The following ZRANB3 variants were observed in gnomAD, a reference collection of about 807,000 sequenced individuals.
ZRANB3 encodes DNA annealing helicase and endonuclease ZRANB3.
A neutral mutation model predicts 133.8 loss-of-function variants in ZRANB3; 125 were observed. The observed-to-expected ratio is 0.93, with a 90% CI of 0.81 to 1.08. ZRANB3 has a LOEUF of 1.08. Among genes scored for constraint, ZRANB3 ranks in the 50% least tolerant of loss-of-function variants. The probability of loss-of-function intolerance (pLI) is 0.00; values close to 1 mark genes in which losing one functional copy is unlikely to be tolerated. For missense variants in ZRANB3, 1,229 were observed against 1,275.5 expected (o/e 0.96, Z 0.56); for synonymous variants, 387 against 432.7 (o/e 0.89, Z 1.31).
chr2:135,391,017 C>T (rs562208737), intron 2 of ZRANB3, among the ~76,000 whole-genome samples, 197 bp from the exon 3 acceptor site: 13 of 152,078 alleles, frequency 8.5e-5, no homozygotes, highest in Admixed American at 3.3e-4. Flanking sequence ...CGTGTCACCA[C>T]GCCCATCTAA....
At chr2:135,439,005 A>C (rs1689668946) in intron 2 of ZRANB3, among the ~76,000 whole-genome samples, 1 of 152,226 alleles carries the variant, frequency 6.6e-6, no homozygotes, top group South Asian at 2.1e-4. Context: ...ATTACTATAA[A>C]ATTTAAAGTA....
intron 12 of ZRANB3, among the ~76,000 whole-genome samples, chr2:135,238,072 A>G (rs973123836): frequency 6.6e-6 from 1 of 152,210 alleles, no homozygotes; most frequent in African/African-American, 2.4e-5. Context: ...CATGTTTTTC[A>G]TCTTTTCAAT....
At chr2:135,339,403 G>GAA (rs142111677) in intron 6 of ZRANB3, among the ~76,000 whole-genome samples, 1 of 144,590 alleles carries the variant, frequency 6.9e-6, no homozygotes, top group Non-Finnish European at 1.5e-5. Flanking sequence ...GACTCCATCT[G>GAA]AAAAAAAAAA....
At chr2:135,247,589 G>C (rs1695855639) in intron 12 of ZRANB3, among the ~76,000 whole-genome samples, 1 of 152,128 alleles carries the variant, frequency 6.6e-6, no homozygotes, top group Admixed American at 6.5e-5. Context: ...GCCAGGTGCA[G>C]TGTCGCATGA....
At chr2:135,428,535 A>C (rs1390660967) in intron 2 of ZRANB3, among the ~76,000 whole-genome samples, 1 of 152,174 alleles carries the variant, frequency 6.6e-6, no homozygotes, top group Non-Finnish European at 1.5e-5. Context: ...TCTGTACAGC[A>C]AAAGAAATAA....
At chr2:135,215,133 G>A (rs557959599) in intron 17 of ZRANB3, among the ~76,000 whole-genome samples, 10 of 152,132 alleles carry the variant, frequency 6.6e-5, no homozygotes, top group Non-Finnish European at 1.3e-4. Flanking sequence ...GACCAGTCTC[G>A]TCTCAAGCTC....
chr2:135,411,619 C>G (rs886245653), intron 2 of ZRANB3, among the ~76,000 whole-genome samples: 2 of 152,068 alleles, frequency 1.3e-5, no homozygotes, highest in Non-Finnish European at 2.9e-5. Flanking sequence ...CAACAACATG[C>G]CTGCAACTGG....
chr2:135,233,643 A>G (rs1339267310), intron 12 of ZRANB3, among the ~76,000 whole-genome samples: 1 of 152,236 alleles, frequency 6.6e-6, no homozygotes, highest in African/African-American at 2.4e-5. Context: ...AATATTCAAC[A>G]TTCTCAAAGA....
At chr2:135,366,800 C>T (rs754607063) in intron 3 of ZRANB3, among the ~76,000 whole-genome samples, 22 of 152,028 alleles carry the variant, frequency 1.4e-4, no homozygotes, top group Middle Eastern at 3.4e-3. Context: ...GGGTGGATCA[C>T]GAGGTCAGGA....
At chr2:135,489,142 C>A (rs1692261003) in intron 2 of ZRANB3, among the ~76,000 whole-genome samples, 1 of 150,986 alleles carries the variant, frequency 6.6e-6, no homozygotes, top group Non-Finnish European at 1.5e-5. Flanking sequence ...AAGGAATCTA[C>A]AAATAAAATG....
At chr2:135,412,173 A>G (rs1033882582) in intron 2 of ZRANB3, among the ~76,000 whole-genome samples, 1 of 152,188 alleles carries the variant, frequency 6.6e-6, no homozygotes, top group African/African-American at 2.4e-5. Flanking sequence ...TATAGAGACT[A>G]TAACAGAAAT....
At chr2:135,232,150 C>T (rs1028151957) in intron 12 of ZRANB3, among the ~76,000 whole-genome samples, 11 of 152,226 alleles carry the variant, frequency 7.2e-5, no homozygotes, top group South Asian at 4.1e-4. Context: ...TTATATCCCG[C>T]GCCTGGCTCA....
chr2:135,472,803 G>A (rs927710606), intron 2 of ZRANB3, among the ~76,000 whole-genome samples: 3 of 152,056 alleles, frequency 2.0e-5, no homozygotes, highest in Admixed American at 6.6e-5. Context: ...ACAAACAGGA[G>A]GCTGTTAATA....
intron 1 of ZRANB3, among the ~76,000 whole-genome samples, chr2:135,518,821 C>G (rs920877710): frequency 1.3e-5 from 2 of 152,100 alleles, no homozygotes; most frequent in African/African-American, 4.8e-5. Flanking sequence ...TATACGCTTC[C>G]CCTACTGAGA....
chr2:135,207,506 C>CAGACGTAA lies in ZRANB3; in HGVS notation c.2929_2936dup (p.Arg980TyrfsTer3), dbSNP rs1284850493. ...TCCTCTGACTTTTAGGGGCATCTCT[C>CAGACGTAA]AGACGTAAAAAGAGTTCTTGTGCGT... On this transcript the variant is annotated frameshift_variant, in exon 19 of 21. Coordinates refer to ENST00000264159, the MANE Select transcript of ZRANB3 (RefSeq NM_032143.4). LOFTEE classifies it high-confidence loss of function. 6.2e-7 allele frequency: 1 copy of CAGACGTAA among 1,614,010 alleles called. No individual in the cohort carries two copies. Among genetic ancestry groups the CAGACGTAA allele is most frequent in the Non-Finnish European group, 8.5e-7 (1 of 1,179,886 alleles).
chr2:135,297,002 C>T (rs1344893699), intron 8 of ZRANB3, among the ~76,000 whole-genome samples: 2 of 152,226 alleles, frequency 1.3e-5, no homozygotes, highest in Non-Finnish European at 2.9e-5. Context: ...GGGCTGCCTC[C>T]CAGTTAGGCT....
intron 1 of ZRANB3, among the ~76,000 whole-genome samples, chr2:135,529,182 T>TA (rs755829044): frequency 5.3e-5 from 8 of 152,170 alleles, no homozygotes; most frequent in Non-Finnish European, 1.0e-4. Context: ...TAAACTGAAT[T>TA]AGAATTTATC....
chr2:135,222,571 GT>G (rs1694597876), intron 15 of ZRANB3, among the ~76,000 whole-genome samples: 1 of 152,112 alleles, frequency 6.6e-6, no homozygotes. Context: ...TTTCACAAAT[GT>G]ATGGTGACTT....
chr2:135,357,970 T>C (rs564428904), intron 3 of ZRANB3, among the ~76,000 whole-genome samples: 1 of 152,310 alleles, frequency 6.6e-6, no homozygotes, highest in South Asian at 2.1e-4. Flanking sequence ...GGTTTTACGC[T>C]TTTAAAGGGC....
Sources: gnomAD v4.1 joint callset for allele counts (sites outside exome capture counted in the v4.1 genomes callset) on GRCh38, gnomAD v4.1.1 for gene constraint, MANE v1.5 for transcripts, NCBI Gene and HGNC (gene_info 2026-07-23, HGNC 2026-07-21) for gene names.